The following HPSE variants were observed in gnomAD, a reference collection of about 807,000 sequenced individuals.
HPSE encodes the protein endo-glucoronidase.
A neutral mutation model predicts 65.1 loss-of-function variants in HPSE; 48 were observed. The observed-to-expected ratio is 0.74, with a 90% CI of 0.58 to 0.94. HPSE has a LOEUF of 0.94. HPSE is among the 40% of genes least tolerant of loss of function. The pLI is 0.00. For synonymous variants in HPSE, 243 were observed against 260.0 expected (o/e 0.93, Z 0.63); for missense variants, 644 against 637.5 (o/e 1.01, Z -0.11).
At chr4:83,315,655 C>G (rs1288002707) in intron 3 of HPSE, among the ~76,000 whole-genome samples, 1 of 152,164 alleles carries the variant, frequency 6.6e-6, no homozygotes, top group Non-Finnish European at 1.5e-5. Flanking sequence ...ATAATATGAA[C>G]AGGGGTAATA....
At chr4:83,335,064 A>C, upstream of HPSE, 1 of 417,850 alleles carries the variant, frequency 2.4e-6, no homozygotes, top group Non-Finnish European at 4.1e-6. Context: ...ACCCACACCC[A>C]CTTGAAGGGT....
At position 83,326,563 on chromosome 4, in the gene HPSE, G is replaced by A. The variant is rs146084041; in HGVS notation, c.228-4199C>T. Among the ~76,000 whole-genome samples, 1,162 of 152,318 alleles carry A rather than the reference G, an allele frequency of 7.6e-3. 13 individuals carry two copies. The highest frequency in any genetic ancestry group is 0.027 in the African/African-American group (1,103 of 41,550). ...AAAAACATACTTCCATCCATCAGGC[G>A]CTTCGCCCTGTGTGTCTGGAACTCA... On this transcript the variant is annotated intron_variant, in intron 1 of 11. Coordinates refer to ENST00000311412, the MANE Select transcript of HPSE (RefSeq NM_001098540.3). The surrounding 1 kb of genome is among the most constrained non-coding windows in gnomAD (Gnocchi z 4.2).
intron 9 of HPSE, among the ~76,000 whole-genome samples, chr4:83,303,940 T>C (rs1736057181): frequency 6.6e-6 from 1 of 152,224 alleles, no homozygotes; most frequent in African/African-American, 2.4e-5. Flanking sequence ...GATCAAAGTA[T>C]GCAGGAGGAA....
intron 9 of HPSE, among the ~76,000 whole-genome samples, chr4:83,304,351 G>T (rs1182319838): frequency 6.6e-6 from 1 of 152,146 alleles, no homozygotes. Flanking sequence ...TAGGCAAATG[G>T]AGAAGGACAG....
chr4:83,295,377 C>A lies in HPSE; in HGVS notation c.1599G>T (p.Val533=). ...GLPAFSYSFF[V]IRNAKVAACI is the part of the protein sequence containing the mutation. ...AAGCAGCAACTTTGGCATTTCTTAT[C>A]ACAAAAAAACTATATGAGAAAGCTG... The change falls in exon 12 of 12, where the codon GTG becomes GTT. Residue 533 remains valine (V), a synonymous_variant. Coordinates refer to ENST00000311412, the MANE Select transcript of HPSE (RefSeq NM_001098540.3). The A allele has an allele frequency of 6.2e-7, 1 of 1,608,428 alleles. No homozygotes were observed. Among genetic ancestry groups the A allele is most frequent in the South Asian group, 1.1e-5 (1 of 90,202 alleles).
intron 2 of HPSE, among the ~76,000 whole-genome samples, chr4:83,319,787 G>A (rs772001871): frequency 6.6e-6 from 1 of 152,102 alleles, no homozygotes; most frequent in Non-Finnish European, 1.5e-5. Context: ...CTGGCCGGGT[G>A]CAGTGGCTCA....
At chr4:83,295,525 C>G in intron 11 of HPSE, 22 bp from the exon 12 acceptor site, 1 of 1,537,846 alleles carries the variant, frequency 6.5e-7, no homozygotes, top group African/African-American at 1.4e-5. Context: ...AAAGATACAC[C>G]GAGTTAACCA....
intron 11 of HPSE, among the ~76,000 whole-genome samples, chr4:83,300,517 CATATT>C (rs544095477): frequency 3.9e-4 from 59 of 152,180 alleles, no homozygotes; most frequent in Admixed American, 3.7e-3. Context: ...GAGTTATACT[CATATT>C]AGTAAGTATT....
At chr4:83,333,061 G>A (rs555680109) in intron 1 of HPSE, among the ~76,000 whole-genome samples, 2 of 152,198 alleles carry the variant, frequency 1.3e-5, no homozygotes, top group South Asian at 4.1e-4. Context: ...TTAAGGGGAA[G>A]GGCAGAAAGT....
chr4:83,318,846 T>G (rs561636822), intron 3 of HPSE, among the ~76,000 whole-genome samples: 1 of 152,228 alleles, frequency 6.6e-6, no homozygotes, highest in South Asian at 2.1e-4. Context: ...GCTAGCCCTG[T>G]GTTTGCAAAA....
chr4:83,295,935 A>G (rs9991877), intron 11 of HPSE, among the ~76,000 whole-genome samples: 96,507 of 152,098 alleles, frequency 0.63, 32,144 homozygotes, highest in East Asian at 0.87. Flanking sequence ...TGAATTTAGC[A>G]TAAATGGTAG....
intron 3 of HPSE, among the ~76,000 whole-genome samples, chr4:83,315,724 A>C (rs1400360826): frequency 6.6e-6 from 1 of 152,196 alleles, no homozygotes; most frequent in Non-Finnish European, 1.5e-5. Context: ...GCACCATCAC[A>C]TGCCTTCGCC....
At position 83,294,062 on chromosome 4, in the gene HPSE, T is replaced by A. The variant is rs187080401; in HGVS notation, c.*1282A>T. On this transcript the variant is annotated 3_prime_UTR_variant, in exon 12 of 12. Transcript: ENST00000311412. The stretch of plus-strand genomic sequence containing the variant: ...CCTGACCATATTAGGAGCATTCATA[T>A]ACATTTTTAATAACTTGTTTTTTTG... 6.6e-6 allele frequency: 1 copy of A among 152,200 alleles called. No homozygotes were observed. Among genetic ancestry groups the A allele is most frequent in the Admixed American group, 6.5e-5 (1 of 15,278 alleles). 9.4% of individuals were successfully genotyped at this position (152,200 alleles called of 1,614,324 possible). A position where few individuals can be genotyped will look rare whatever the true frequency, so the allele number is the denominator to read the frequency against.
At chr4:83,328,046 C>T (rs777275440) in intron 1 of HPSE, among the ~76,000 whole-genome samples, 1 of 152,198 alleles carries the variant, frequency 6.6e-6, no homozygotes, top group Non-Finnish European at 1.5e-5. Context: ...CACCCCCCAA[C>T]AAGAAAGGCG....
intron 11 of HPSE, among the ~76,000 whole-genome samples, chr4:83,300,516 T>C (rs1485199916): frequency 6.6e-6 from 1 of 152,206 alleles, no homozygotes; most frequent in Non-Finnish European, 1.5e-5. Context: ...TGAGTTATAC[T>C]CATATTAGTA....
chr4:83,327,315 A>G (rs1227087892), intron 1 of HPSE, among the ~76,000 whole-genome samples: 1 of 152,234 alleles, frequency 6.6e-6, no homozygotes, highest in Non-Finnish European at 1.5e-5. Context: ...AGTACAAGAA[A>G]TCACATTTCA....
chr4:83,313,314 G>A, intron 3 of HPSE, 27 bp from the exon 4 acceptor site: 2 of 1,559,408 alleles, frequency 1.3e-6, no homozygotes. Context: ...ACAATTTAAT[G>A]GTTAGATTGG....
chr4:83,295,711 A>T (rs1735698562), intron 11 of HPSE, among the ~76,000 whole-genome samples: 1 of 152,222 alleles, frequency 6.6e-6, no homozygotes, highest in Non-Finnish European at 1.5e-5. Flanking sequence ...GTTATGATAG[A>T]GACCATATGG....
At chr4:83,301,338 G>A (rs971145681) in intron 10 of HPSE, among the ~76,000 whole-genome samples, 3 of 152,048 alleles carry the variant, frequency 2.0e-5, no homozygotes, top group African/African-American at 7.2e-5. Flanking sequence ...TGCCGTTCAT[G>A]CTACCAATGT....
Sources: gnomAD v4.1 joint callset for allele counts (sites outside exome capture counted in the v4.1 genomes callset) on GRCh38, gnomAD v4.1.1 for gene constraint, Gnocchi (gnomAD v3.1) non-coding constraint, MANE v1.5 for transcripts, NCBI Gene and HGNC (gene_info 2026-07-23, HGNC 2026-07-21) for gene names.